Variants in GABBR1 observed in about 807,000 individuals in gnomAD.
GABBR1 encodes gamma-aminobutyric acid type B receptor subunit 1.
GABBR1 carries 35 observed loss-of-function variants against 117.7 expected under a neutral mutation model. The observed-to-expected ratio is 0.30, with a 90% confidence interval of 0.23 to 0.39. GABBR1 has a LOEUF of 0.39. GABBR1 is among the 10% of genes least tolerant of loss of function. The pLI is 1.00. For missense variants in GABBR1, 709 were observed against 1,241.8 expected (o/e 0.57, Z 6.45); for synonymous variants, 442 against 486.6 (o/e 0.91, Z 1.21).
In GABBR1 at chr6:29,632,618, C is replaced by T. The variant is rs1037693552; in HGVS notation, c.-1+232G>A. ...TGCCTCCCTCGGCCCCCAACCCTCC[C>T]GGGACTCCACCTCTCACCACCTCCT... On this transcript the variant is annotated intron_variant, in intron 1 of 22. Coordinates refer to ENST00000377034, the MANE Select transcript of GABBR1 (RefSeq NM_001470.4). This position sits in a 1 kb window ranked among gnomAD's most constrained non-coding sequence, Gnocchi z 5.8. 1.8e-4 allele frequency: 243 copies of T among 1,355,522 alleles called. No homozygotes were observed. Among genetic ancestry groups the T allele is most frequent in the Non-Finnish European group, 2.2e-4 (222 of 1,010,024 alleles). 84.0% of individuals were successfully genotyped at this position (1,355,522 alleles called of 1,614,324 possible). A position where few individuals can be genotyped will look rare whatever the true frequency, so the allele number is the denominator to read the frequency against.
At chr6:29,628,781 T>C (rs1403405713) in intron 5 of GABBR1, among the ~76,000 whole-genome samples, 2 of 151,602 alleles carry the variant, frequency 1.3e-5, no homozygotes, top group African/African-American at 4.9e-5. Flanking sequence ...GAGCTCAGGG[T>C]CTCCCAGCAC....
At position 29,632,217 on chromosome 6, in the gene GABBR1, T is replaced by TAGTG. The variant is rs1337779385; in HGVS notation, c.85+80_85+83dup. The TAGTG allele has an allele frequency of 6.1e-6, 5 of 819,658 alleles. No individual in the cohort carries two copies. Among genetic ancestry groups the TAGTG allele is most frequent in the Admixed American group, 3.7e-5 (1 of 26,910 alleles). 50.8% of individuals were successfully genotyped at this position (819,658 alleles called of 1,614,324 possible). A position where few individuals can be genotyped will look rare whatever the true frequency, so the allele number is the denominator to read the frequency against. On this transcript the variant is annotated intron_variant, in intron 2 of 22. Transcript: ENST00000377034. The surrounding 1 kb of genome is among the most constrained non-coding windows in gnomAD (Gnocchi z 5.8). The stretch of plus-strand genomic sequence containing the variant: ...GGGATGATATGTGGGACTGATGGGA[T>TAGTG]AGTGATGAGGACCAGAAATGAGGAG...
Position 29,607,018 on chromosome 6 carries a change from T to A in GABBR1, c.2110-14A>T. 3.1e-6 allele frequency: 5 copies of A among 1,613,200 alleles called. No homozygotes were observed. In the East Asian group the frequency reaches 1.1e-4, roughly 36 times the overall value. ...GGGTTCCAGAGTCTGGATAAATATG[T>A]GGGGAGAACAGGCACGTCAGGGGAA... is the stretch of plus-strand genomic sequence containing the variant. On this transcript the variant is annotated splice_polypyrimidine_tract_variant and intron_variant, in intron 17 of 22. Transcript: ENST00000377034. The surrounding 1 kb of genome is among the most constrained non-coding windows in gnomAD (Gnocchi z 5.0).
rs751692575 is a variant in GABBR1, at chr6:29,608,734, C to T, written c.1860-1G>A. 6.2e-7 allele frequency: 1 copy of T among 1,612,892 alleles called. No individual in the cohort carries two copies. Among genetic ancestry groups the T allele is most frequent in the Non-Finnish European group, 8.5e-7 (1 of 1,179,916 alleles). On this transcript the variant is annotated splice_acceptor_variant, in intron 15 of 22. Transcript: ENST00000377034. LOFTEE classifies it high-confidence loss of function. ...GTTGGGCTGTGAGTTCTGGATATAA[C>T]TAGGGCAGAGGTGGAGAGGGTGAGA...
chr6:29,609,175 C>T lies in GABBR1; in HGVS notation c.1859+54G>A. ...GTTTTATTCTCATCCTGTCCAGGAACATGATCAGTATCTCAGAGAGGCAGA... is the reference window on the plus strand; with the variant it reads ...GTTTTATTCTCATCCTGTCCAGGAATATGATCAGTATCTCAGAGAGGCAGA... On this transcript the variant is annotated intron_variant, in intron 15 of 22. Coordinates refer to ENST00000377034, the MANE Select transcript of GABBR1 (RefSeq NM_001470.4). The surrounding 1 kb of genome is among the most constrained non-coding windows in gnomAD (Gnocchi z 4.3). 3.2e-6 allele frequency: 5 copies of T among 1,556,470 alleles called. No homozygotes were observed. In the South Asian group the frequency reaches 4.5e-5, roughly 14 times the overall value.
chr6:29,607,270 C>T lies in GABBR1; in HGVS notation c.1993-52G>A. 2.8e-6 allele frequency: 4 copies of T among 1,440,512 alleles called. No homozygotes were observed. Among genetic ancestry groups the T allele is most frequent in the Non-Finnish European group, 3.9e-6 (4 of 1,025,160 alleles). 89.2% of individuals were successfully genotyped at this position (1,440,512 alleles called of 1,614,324 possible). A position where few individuals can be genotyped will look rare whatever the true frequency, so the allele number is the denominator to read the frequency against. ...GAACAGGGTAGAGTAGTAGCCGGGACTGCAGTAAGGATGGGCAGAACCCTA... is the reference window on the plus strand; with the variant it reads ...GAACAGGGTAGAGTAGTAGCCGGGATTGCAGTAAGGATGGGCAGAACCCTA... On this transcript the variant is annotated intron_variant, in intron 16 of 22. Transcript: ENST00000377034. The surrounding 1 kb of genome is among the most constrained non-coding windows in gnomAD (Gnocchi z 5.0).
rs1418048072 is a variant in GABBR1 at position 29,609,330 on chromosome 6, G to A, written c.1758C>T (p.Phe586=). 6.2e-7 allele frequency: 1 copy of A among 1,613,072 alleles called. No individual in the cohort carries two copies. ...DQTLVIKTFR[F]LSQKLFISVS... Reference sequence around the variant, plus strand: ...CGGAGATAAAGAGTTTCTGTGACAGGAAGCGGAATGTCTTGATGACCAGGG... The same window carrying A: ...CGGAGATAAAGAGTTTCTGTGACAGAAAGCGGAATGTCTTGATGACCAGGG... The change falls in exon 15 of 23, where the codon TTC becomes TTT. Residue 586 remains phenylalanine (F), a synonymous_variant. Coordinates refer to ENST00000377034, the MANE Select transcript of GABBR1 (RefSeq NM_001470.4). The surrounding 1 kb of genome is among the most constrained non-coding windows in gnomAD (Gnocchi z 4.3).
intron 13 of GABBR1, 49 bp downstream of exon 13, chr6:29,612,502 A>G (rs757192785): frequency 9.7e-5 from 149 of 1,536,946 alleles, no homozygotes; most frequent in Non-Finnish European, 1.2e-4. Context: ...ATCCCAGCCC[A>G]GCCCCAGCCT....
In GABBR1 at chr6:29,602,697, G is replaced by T. The variant is rs566213170; in HGVS notation, c.*846C>A. 16 of 320,884 alleles carry T rather than the reference G, an allele frequency of 5.0e-5. No homozygotes were observed. In the East Asian group the frequency reaches 5.1e-4, roughly 10 times the overall value. The allele number at this position is 320,884 out of a possible 1,614,324, so 19.9% of individuals were successfully genotyped here. ...AAGAAAGTACACAAGGTACATGGAG[G>T]GTACACAGGGAAAGTACATGGATAA... On this transcript the variant is annotated 3_prime_UTR_variant, in exon 23 of 23. Transcript: ENST00000377034.
chr6:29,620,513 C>T lies in GABBR1; in HGVS notation c.1323+588G>A, dbSNP rs1014168993. Among the ~76,000 whole-genome samples, 1 of 152,184 alleles carries T rather than the reference C, an allele frequency of 6.6e-6. No homozygotes were observed. Among genetic ancestry groups the T allele is most frequent in the African/African-American group, 2.4e-5 (1 of 41,454 alleles). ...CCCCTCAGCTGCAGGGCTGCCCCAG[C>T]CCTCTCAAATCAGAGAATGCGCCTC... On this transcript the variant is annotated intron_variant, in intron 11 of 22. Transcript: ENST00000377034. The surrounding 1 kb of genome is among the most constrained non-coding windows in gnomAD (Gnocchi z 4.5).
intron 22 of GABBR1, 33 bp from the exon 23 acceptor site, chr6:29,603,749 G>C: frequency 7.0e-7 from 1 of 1,438,270 alleles, no homozygotes; most frequent in Non-Finnish European, 9.1e-7. Flanking sequence ...GATAGTAGGA[G>C]AAGAGGAGGT....
chr6:29,630,210 G>GAGA lies in GABBR1; in HGVS notation c.475+247_475+248insTCT, dbSNP rs1764811587. ...GGAAAAGAGAAAACGTGAGGTCTAA[G>GAGA]AATCGGGAGCAGGAAGATTTTTTTA... On this transcript the variant is annotated intron_variant, in intron 4 of 22. Coordinates refer to ENST00000377034, the MANE Select transcript of GABBR1 (RefSeq NM_001470.4). The surrounding 1 kb of genome is among the most constrained non-coding windows in gnomAD (Gnocchi z 4.9). 1 of 443,408 alleles carries GAGA rather than the reference G, an allele frequency of 2.3e-6. No individual in the cohort carries two copies. Among genetic ancestry groups the GAGA allele is most frequent in the Non-Finnish European group, 4.0e-6 (1 of 248,946 alleles). The allele number at this position is 443,408 out of a possible 1,614,324, so 27.5% of individuals were successfully genotyped here.
Position 29,605,794 on chromosome 6 carries a change from A to G in GABBR1, c.2312-98T>C. 1 of 1,430,256 alleles carries G rather than the reference A, an allele frequency of 7.0e-7. No individual in the cohort carries two copies. The highest frequency in any genetic ancestry group is 9.5e-7 in the Non-Finnish European group (1 of 1,054,444). 88.6% of individuals were successfully genotyped at this position (1,430,256 alleles called of 1,614,324 possible). A position where few individuals can be genotyped will look rare whatever the true frequency, so the allele number is the denominator to read the frequency against. The stretch of plus-strand genomic sequence containing the variant: ...TGCCCTTCACCTACTCTGAAATGGA[A>G]AGGGGGCCCTCCTCTCCAATCCAAC... On this transcript the variant is annotated intron_variant, in intron 19 of 22. Coordinates refer to ENST00000377034, the MANE Select transcript of GABBR1 (RefSeq NM_001470.4). This position sits in a 1 kb window ranked among gnomAD's most constrained non-coding sequence, Gnocchi z 4.2.
rs1761543920 is a variant in GABBR1 at position 29,603,118 on chromosome 6, C to T, written c.*425G>A. ...TGACAGTGGAGAAAAGGAGAGGCCC[C>T]TTTGGGGTGGAAAGAGCACTTGTTG... On this transcript the variant is annotated 3_prime_UTR_variant, in exon 23 of 23. Transcript: ENST00000377034. 2.2e-6 allele frequency: 1 copy of T among 463,878 alleles called. No individual in the cohort carries two copies. The highest frequency in any genetic ancestry group is 2.3e-5 in the Admixed American group (1 of 42,716). 28.7% of individuals were successfully genotyped at this position (463,878 alleles called of 1,614,324 possible).
In GABBR1 at chr6:29,632,376, G is replaced by A; in HGVS notation, c.10C>T (p.Leu4=). The A allele has an allele frequency of 7.4e-7, 1 of 1,343,806 alleles. No individual in the cohort carries two copies. The highest frequency in any genetic ancestry group is 2.0e-5 in the South Asian group (1 of 50,716). The allele number at this position is 1,343,806 out of a possible 1,614,324, so 83.2% of individuals were successfully genotyped here. MLL[L]LLLAPLFLRP... is the part of the protein sequence containing the mutation. The stretch of plus-strand genomic sequence containing the variant: ...AGGAAGAGTGGCGCCAGTAGCAGCA[G>A]CAGCAACATCTAAGTGAGAGGCGGC... Residue 4 remains leucine (L), a synonymous_variant, in exon 2 of 23, where the codon CTG becomes TTG. Transcript: ENST00000377034. The surrounding 1 kb of genome is among the most constrained non-coding windows in gnomAD (Gnocchi z 5.8).
chr6:29,619,353 A>G (rs923492824), intron 11 of GABBR1, among the ~76,000 whole-genome samples: 1 of 152,168 alleles, frequency 6.6e-6, no homozygotes, highest in East Asian at 1.9e-4. Context: ...TCTTCAGAAA[A>G]CATTGGCTTC....
chr6:29,605,039 G>C lies in GABBR1; in HGVS notation c.2440-51C>G, dbSNP rs373263590. ...GTCTCAGGTCTGCAGGCTCAGACAA[G>C]ATCCAGAGTTTACTTCCCATGGGAG... is the stretch of plus-strand genomic sequence containing the variant. On this transcript the variant is annotated intron_variant, in intron 20 of 22. Coordinates refer to ENST00000377034, the MANE Select transcript of GABBR1 (RefSeq NM_001470.4). This position sits in a 1 kb window ranked among gnomAD's most constrained non-coding sequence, Gnocchi z 4.2. 143 of 1,547,222 alleles carry C rather than the reference G, an allele frequency of 9.2e-5. No homozygotes were observed. The highest frequency in any genetic ancestry group is 1.1e-4 in the Non-Finnish European group (128 of 1,150,104).
rs1761790189 is a variant in GABBR1, at chr6:29,604,893, G to A, written c.2535C>T (p.Ser845=). ...AFASLAIVFS[S]YITLVVLFVP... ...CAAAGAGCACAACAAGAGTGATATA[G>A]GAGGAGAAAACTATGGCAAGAGAGG... The change falls in exon 21 of 23, where the codon TCC becomes TCT. Residue 845 remains serine (S), a synonymous_variant. Transcript: ENST00000377034. This position sits in a 1 kb window ranked among gnomAD's most constrained non-coding sequence, Gnocchi z 5.3. The A allele has an allele frequency of 2.5e-6, 4 of 1,612,970 alleles. No homozygotes were observed. Among genetic ancestry groups the A allele is most frequent in the African/African-American group, 1.3e-5 (1 of 74,912 alleles).
At chr6:29,618,369 C>A (rs537579639) in intron 11 of GABBR1, among the ~76,000 whole-genome samples, 60 of 152,306 alleles carry the variant, frequency 3.9e-4, no homozygotes, top group African/African-American at 1.4e-3. Context: ...AGAATGCTTC[C>A]CCCTTGAGTC....
Sources: gnomAD v4.1 joint callset for allele counts (sites outside exome capture counted in the v4.1 genomes callset) on GRCh38, gnomAD v4.1.1 for gene constraint, Gnocchi (gnomAD v3.1) non-coding constraint, MANE v1.5 for transcripts, NCBI Gene and HGNC (gene_info 2026-07-23, HGNC 2026-07-21) for gene names.